Variants in MARCHF4 observed in about 807,000 individuals in gnomAD.
The protein encoded by MARCHF4 is E3 ubiquitin-protein ligase MARCHF4.
A neutral mutation model predicts 43.9 loss-of-function variants in MARCHF4; 14 were observed. The ratio of observed to expected loss-of-function variants is 0.32; its 90% CI spans 0.21 to 0.50. The LOEUF (loss-of-function observed/expected upper bound fraction) is 0.50. Among genes scored for constraint, MARCHF4 ranks in the 20% least tolerant of loss-of-function variants. The pLI is 0.98. For synonymous variants in MARCHF4, 226 were observed against 213.3 expected (o/e 1.06, Z -0.52); for missense variants, 468 against 536.7 (o/e 0.87, Z 1.27).
At chr2:216,331,599 T>G (rs1035570725) in intron 1 of MARCHF4, among the ~76,000 whole-genome samples, 1 of 152,086 alleles carries the variant, frequency 6.6e-6, no homozygotes, top group African/African-American at 2.4e-5. Flanking sequence ...ATCAGCAAAT[T>G]GAATCCAATG....
chr2:216,271,504 T>C (rs746385287), intron 3 of MARCHF4, among the ~76,000 whole-genome samples: 1 of 152,188 alleles, frequency 6.6e-6, no homozygotes. Flanking sequence ...GACTATGAGC[T>C]CCTTGAGGGC....
chr2:216,283,163 C>G (rs1161736374), intron 2 of MARCHF4, among the ~76,000 whole-genome samples: 4 of 152,096 alleles, frequency 2.6e-5, no homozygotes, highest in African/African-American at 9.7e-5. Context: ...CTTTTTGTTT[C>G]CTGTTCTCTT....
At chr2:216,359,522 C>T (rs1402477744) in intron 1 of MARCHF4, among the ~76,000 whole-genome samples, 2 of 152,174 alleles carry the variant, frequency 1.3e-5, no homozygotes, top group African/African-American at 4.8e-5. Flanking sequence ...CAGGAGGTTG[C>T]CTCAAGAGAC....
chr2:216,315,733 C>T (rs922407288), intron 1 of MARCHF4, among the ~76,000 whole-genome samples: 2 of 152,130 alleles, frequency 1.3e-5, no homozygotes, highest in African/African-American at 2.4e-5. Context: ...TTTCTCTAAG[C>T]GATGAGATTA....
chr2:216,353,528 C>G (rs1692433682), intron 1 of MARCHF4, among the ~76,000 whole-genome samples: 1 of 152,134 alleles, frequency 6.6e-6, no homozygotes, highest in African/African-American at 2.4e-5. Flanking sequence ...CCCCTCACCT[C>G]TCTGGGTCCT....
At chr2:216,364,499 C>A (rs73988381) in intron 1 of MARCHF4, among the ~76,000 whole-genome samples, 1 of 152,228 alleles carries the variant, frequency 6.6e-6, no homozygotes, top group East Asian at 1.9e-4. Context: ...GAGGAGTCTG[C>A]GGGGTCAAGG....
intron 1 of MARCHF4, among the ~76,000 whole-genome samples, chr2:216,347,242 C>G (rs560746535): frequency 6.6e-6 from 1 of 152,234 alleles, no homozygotes; most frequent in Admixed American, 6.5e-5. Flanking sequence ...AGTCAAAGAA[C>G]GGTGGCATCA....
At chr2:216,364,037 T>C (rs1345811230) in intron 1 of MARCHF4, among the ~76,000 whole-genome samples, 1 of 152,140 alleles carries the variant, frequency 6.6e-6, no homozygotes, top group Non-Finnish European at 1.5e-5. Flanking sequence ...CCAGTCCCCA[T>C]AAGATCCTCC....
chr2:216,283,619 G>A lies in MARCHF4; in HGVS notation c.627C>T (p.Tyr209=). 13 of 1,613,468 alleles carry A rather than the reference G, an allele frequency of 8.1e-6. No homozygotes were observed. Among genetic ancestry groups the A allele is most frequent in the Non-Finnish European group, 1.1e-5 (13 of 1,179,406 alleles). ...TTATGGCGATGACGTGGTACTTGTAGTAGCACAGCTCGCAGCTCCAGCAGC... is the reference window on the plus strand; with the variant it reads ...TTATGGCGATGACGTGGTACTTGTAATAGCACAGCTCGCAGCTCCAGCAGC... The part of the protein sequence containing the change: ...ERGCWSCELC[Y]YKYHVIAIST... The change falls in exon 2 of 4, where the codon TAC becomes TAT. Residue 209 remains tyrosine (Y), a synonymous_variant. Coordinates refer to ENST00000273067, the MANE Select transcript of MARCHF4 (RefSeq NM_020814.3).
At chr2:216,266,981 A>G (rs1049848357) in intron 3 of MARCHF4, among the ~76,000 whole-genome samples, 2 of 152,234 alleles carry the variant, frequency 1.3e-5, no homozygotes, top group Admixed American at 6.5e-5. Context: ...TTAAGTAAAC[A>G]TGCCAACACC....
chr2:216,316,212 G>C (rs761056461), intron 1 of MARCHF4, among the ~76,000 whole-genome samples: 1 of 152,218 alleles, frequency 6.6e-6, no homozygotes, highest in Non-Finnish European at 1.5e-5. Flanking sequence ...TTCCGCCTTC[G>C]AGGCTGTGAA....
chr2:216,293,036 C>G lies in MARCHF4; in HGVS notation c.517-9307G>C, dbSNP rs562812175. Reference sequence around the variant, plus strand: ...GAGTTTCCCCCTTATCTGTGGGAGACAGGCCGATTGGCAAGATGACCTTCA... The same window carrying G: ...GAGTTTCCCCCTTATCTGTGGGAGAGAGGCCGATTGGCAAGATGACCTTCA... On this transcript the variant is annotated intron_variant, in intron 1 of 3. Transcript: ENST00000273067. 2.6e-5 allele frequency among the ~76,000 whole-genome samples: 4 copies of G among 152,320 alleles called. 1 individual carries two copies. The highest frequency in any genetic ancestry group is 9.6e-5 in the African/African-American group (4 of 41,572).
At chr2:216,330,787 T>A (rs1333599254) in intron 1 of MARCHF4, among the ~76,000 whole-genome samples, 2 of 152,024 alleles carry the variant, frequency 1.3e-5, no homozygotes, top group Admixed American at 6.6e-5. Context: ...AGTGGAAAAA[T>A]TTCATCCTTA....
At chr2:216,351,292 G>A (rs1392675157) in intron 1 of MARCHF4, 2 of 152,522 alleles carry the variant, frequency 1.3e-5, no homozygotes, top group Non-Finnish European at 2.9e-5. Flanking sequence ...GAAATGTAGT[G>A]GAGAAAGGAC....
At chr2:216,270,204 T>C (rs1221757140) in intron 3 of MARCHF4, among the ~76,000 whole-genome samples, 1 of 152,018 alleles carries the variant, frequency 6.6e-6, no homozygotes, top group Non-Finnish European at 1.5e-5. Flanking sequence ...GCCTCCTGAG[T>C]AACTGGGACT....
chr2:216,339,091 GA>G (rs1198929726), intron 1 of MARCHF4, among the ~76,000 whole-genome samples: 1 of 152,104 alleles, frequency 6.6e-6, no homozygotes, highest in Non-Finnish European at 1.5e-5. Flanking sequence ...GTGAGAGTTA[GA>G]AAAAAGGCAA....
chr2:216,262,951 G>T (rs1690765789), intron 3 of MARCHF4, among the ~76,000 whole-genome samples: 1 of 152,140 alleles, frequency 6.6e-6, no homozygotes, highest in South Asian at 2.1e-4. Flanking sequence ...ACAAACAAAT[G>T]AACAAACCCC....
chr2:216,287,255 T>A (rs1434059299), intron 1 of MARCHF4, among the ~76,000 whole-genome samples: 1 of 152,138 alleles, frequency 6.6e-6, no homozygotes. Flanking sequence ...ACATCAGCGA[T>A]GTACAATTAA....
chr2:216,276,276 C>T (rs977520079), intron 3 of MARCHF4, among the ~76,000 whole-genome samples: 1 of 152,198 alleles, frequency 6.6e-6, no homozygotes, highest in Non-Finnish European at 1.5e-5. Flanking sequence ...ACACACCTGG[C>T]TTTTGGCATC....
Sources: gnomAD v4.1 joint callset for allele counts (sites outside exome capture counted in the v4.1 genomes callset) on GRCh38, gnomAD v4.1.1 for gene constraint, MANE v1.5 for transcripts, NCBI Gene and HGNC (gene_info 2026-07-23, HGNC 2026-07-21) for gene names.